The following ALPK1 variants were observed in gnomAD, a reference collection of about 807,000 sequenced individuals.
ALPK1 encodes the protein alpha-protein kinase 1.
In ALPK1, 110 loss-of-function variants were observed where a neutral mutation model predicts 120.6. The observed-to-expected ratio is 0.91, with a 90% CI of 0.78 to 1.07. The LOEUF is 1.07. Ranked by LOEUF, ALPK1 falls within the 50% of genes least tolerant of loss-of-function variation. The pLI is 0.00. For synonymous variants in ALPK1, 582 were observed against 560.3 expected, an observed-to-expected ratio of 1.04 and a Z score of -0.55; for missense variants, 1,498 against 1,483.9, an observed-to-expected ratio of 1.01 and a Z score of -0.16.
Position 112,396,770 on chromosome 4 carries a change from T to C in ALPK1, c.276+14218T>C, listed in dbSNP as rs537416046. On this transcript the variant is annotated intron_variant, in intron 4 of 15. Coordinates refer to ENST00000650871, the MANE Select transcript of ALPK1 (RefSeq NM_025144.4). ...CTTTTCAGTAATCTATGTAGAGCTG[T>C]TTTTTTTTCTTTTTTTATGTTTTTG... Among the ~76,000 whole-genome samples the C allele has an allele frequency of 3.3e-5, 5 of 150,418 alleles. No individual in the cohort carries two copies. In the East Asian group the frequency reaches 9.7e-4, roughly 29 times the overall value.
chr4:112,382,289 CTTTTTTTTTTT>C (rs34345428), intron 3 of ALPK1, 98 bp from the exon 4 acceptor site: 6 of 671,428 alleles, frequency 8.9e-6, no homozygotes, highest in African/African-American at 2.2e-5. Flanking sequence ...AGGTTTTTCT[CTTTTTTTTTTT>C]TTTTTTTTTT....
chr4:112,311,237 A>G lies in ALPK1; in HGVS notation c.-152-4564A>G, dbSNP rs112620054. Among the ~76,000 whole-genome samples, 1,340 of 152,308 alleles carry G rather than the reference A, an allele frequency of 8.8e-3. 14 individuals carry two copies. Among genetic ancestry groups the G allele is most frequent in the African/African-American group, 0.03 (1,249 of 41,568 alleles). On this transcript the variant is annotated intron_variant, in intron 1 of 15. Transcript: ENST00000650871. The stretch of plus-strand genomic sequence containing the variant: ...AAGCAGCCCCCTTCCCCCACCCTAA[A>G]TGACACTCTCATCTGTTCACCAGTG...
chr4:112,382,663 T>TA (rs1731979541), intron 4 of ALPK1, 111 bp downstream of exon 4: 1 of 1,438,452 alleles, frequency 7.0e-7, no homozygotes, highest in Non-Finnish European at 9.7e-7. Context: ...CCCCTACCCT[T>TA]ATGCTCAGCT....
rs1160018260 is a variant in ALPK1 at position 112,440,970 on chromosome 4, C to T, written c.3592C>T (p.His1198Tyr). ...CATCTACCTCACAGATCCCCAGATT[C>T]ACTCCGTTGATCAGAAAGTTTTCAC... The part of the protein sequence containing the change: ...GLIYLTDPQI[H>Y]SVDQKVFTTN... Residue 1198 changes from histidine (H) to tyrosine (Y), a missense_variant, in exon 15 of 16, where the codon CAC becomes TAC. By Grantham distance (83) the His-to-Tyr change is moderately conservative. Coordinates refer to ENST00000650871, the MANE Select transcript of ALPK1 (RefSeq NM_025144.4). The T allele has an allele frequency of 3.7e-6, 6 of 1,613,752 alleles. No individual in the cohort carries two copies. The highest frequency in any genetic ancestry group is 5.1e-6 in the Non-Finnish European group (6 of 1,179,876).
intron 2 of ALPK1, among the ~76,000 whole-genome samples, chr4:112,328,922 C>T (rs1175461861): frequency 6.6e-6 from 1 of 152,168 alleles, no homozygotes; most frequent in Non-Finnish European, 1.5e-5. Flanking sequence ...CAGAGAGCCT[C>T]GCAGCTTGTG....
At chr4:112,359,312 C>A (rs1730801034) in intron 2 of ALPK1, 1 of 434,896 alleles carries the variant, frequency 2.3e-6, no homozygotes. Context: ...AGTCTACAGG[C>A]TGTAGCCAGC....
Position 112,435,427 on chromosome 4 carries a change from C to T in ALPK1, c.3188+126C>T, listed in dbSNP as rs755550158. The T allele has an allele frequency of 9.7e-6, 8 of 824,676 alleles. No homozygotes were observed. In the East Asian group the frequency reaches 1.8e-4, roughly 18 times the overall value. 51.1% of individuals were successfully genotyped at this position (824,676 alleles called of 1,614,324 possible). On this transcript the variant is annotated intron_variant, in intron 12 of 15. Coordinates refer to ENST00000650871, the MANE Select transcript of ALPK1 (RefSeq NM_025144.4). Reference sequence around the variant, plus strand: ...GCCAAAATATATTTCCAGATTTCTACTCCTTTTTCTTTTCATTATTAATTA... The same window carrying T: ...GCCAAAATATATTTCCAGATTTCTATTCCTTTTTCTTTTCATTATTAATTA...
At chr4:112,373,854 T>C (rs967642069) in intron 2 of ALPK1, among the ~76,000 whole-genome samples, 3 of 152,220 alleles carry the variant, frequency 2.0e-5, no homozygotes, top group African/African-American at 7.2e-5. Context: ...TCTAAAAAAG[T>C]ACCCACCTTA....
At position 112,435,167 on chromosome 4, in the gene ALPK1, T is replaced by C; in HGVS notation, c.3054T>C (p.Tyr1018=). ...HRAHSALLLK[Y]SKKSELWTAQ... ...TCCCAGGTGCTCTTTTGTTAAAATA[T>C]TCAAAAAAATCTGAACTGTGGACGG... The change falls in exon 12 of 16, where the codon TAT becomes TAC. Residue 1018 remains tyrosine, a synonymous_variant. Coordinates refer to ENST00000650871, the MANE Select transcript of ALPK1 (RefSeq NM_025144.4). 1.9e-6 allele frequency: 3 copies of C among 1,602,634 alleles called. No homozygotes were observed. The South Asian group carries it at 3.4e-5, about 18-fold the overall frequency.
chr4:112,305,731 AC>A (rs1479534578), intron 1 of ALPK1, among the ~76,000 whole-genome samples: 1 of 151,976 alleles, frequency 6.6e-6, no homozygotes, highest in African/African-American at 2.4e-5. Flanking sequence ...CTAATTGAAT[AC>A]CCTTTATGTC....
chr4:112,429,254 G>C lies in ALPK1; in HGVS notation c.900+1G>C, dbSNP rs1251243862. 3 of 1,609,586 alleles carry C rather than the reference G, an allele frequency of 1.9e-6. 1 individual carries two copies. In the South Asian group the frequency reaches 3.3e-5, roughly 18 times the overall value. On this transcript the variant is annotated splice_donor_variant, in intron 10 of 15. Transcript: ENST00000650871. LOFTEE classifies it high-confidence loss of function. Reference sequence around the variant, plus strand: ...GCCGCTCTTCGTGCTCACAGCTGTGGTAAACGAATGCAGCCGCTCCTCAAA... The same window carrying C: ...GCCGCTCTTCGTGCTCACAGCTGTGCTAAACGAATGCAGCCGCTCCTCAAA...
chr4:112,419,291 CT>C lies in ALPK1; in HGVS notation c.476-4646del, dbSNP rs567203879. Reference sequence around the variant, plus strand: ...TTTTATTCTCTGTTTCTCTGTTTTTCTTTTTTTGGACAAATATATGTGGAAA... The same window carrying C: ...TTTTATTCTCTGTTTCTCTGTTTTTCTTTTTTGGACAAATATATGTGGAAA... On this transcript the variant is annotated intron_variant, in intron 5 of 15. Coordinates refer to ENST00000650871, the MANE Select transcript of ALPK1 (RefSeq NM_025144.4). 1.1e-4 allele frequency among the ~76,000 whole-genome samples: 17 copies of C among 152,072 alleles called. No individual in the cohort carries two copies. In the South Asian group the frequency reaches 1.7e-3, roughly 15 times the overall value.
At chr4:112,321,773 A>G (rs1408577195) in intron 2 of ALPK1, among the ~76,000 whole-genome samples, 1 of 152,356 alleles carries the variant, frequency 6.6e-6, no homozygotes, top group South Asian at 2.1e-4. Context: ...TGAAATTCAA[A>G]TACGAGTATT....
In ALPK1 at chr4:112,425,652, T is replaced by C; in HGVS notation, c.536-13T>C. ...CTCTGATAATTCAAGGGAATTTTCA[T>C]CTTTTCTTTTAGGTACCTGGCTGTA... On this transcript the variant is annotated splice_polypyrimidine_tract_variant and intron_variant, in intron 6 of 15. Coordinates refer to ENST00000650871, the MANE Select transcript of ALPK1 (RefSeq NM_025144.4). 1.2e-6 allele frequency: 2 copies of C among 1,609,966 alleles called. No homozygotes were observed. Among genetic ancestry groups the C allele is most frequent in the Non-Finnish European group, 8.5e-7 (1 of 1,176,802 alleles).
Position 112,431,705 on chromosome 4 carries a change from G to A in ALPK1, c.2158G>A (p.Ala720Thr), listed in dbSNP as rs1734562773. ...SAHSRPSYRSASWSSDSGRPK... is the reference protein window; with the variant it reads ...SAHSRPSYRSTSWSSDSGRPK... ...TCACTCCAGACCCTCATATCGTTCT[G>A]CTTCTTGGTCTTCTGATTCTGGTAG... Residue 720 changes from alanine to threonine, a missense_variant, in exon 11 of 16, where the codon GCT (alanine) becomes ACT (threonine). Physicochemically the swap from Ala to Thr is moderately conservative, Grantham distance 58. Transcript: ENST00000650871. The A allele has an allele frequency of 3.7e-6, 6 of 1,614,204 alleles. No individual in the cohort carries two copies. Among genetic ancestry groups the A allele is most frequent in the Non-Finnish European group, 5.1e-6 (6 of 1,180,044 alleles).
At chr4:112,412,088 A>T in intron 5 of ALPK1, 63 bp downstream of exon 5, 3 of 1,593,706 alleles carry the variant, frequency 1.9e-6, no homozygotes, top group Non-Finnish European at 2.6e-6. Flanking sequence ...TTCCCTCCCG[A>T]GCTACTTGAC....
chr4:112,403,563 G>T (rs962416264), intron 4 of ALPK1, among the ~76,000 whole-genome samples: 2 of 152,204 alleles, frequency 1.3e-5, no homozygotes, highest in Non-Finnish European at 2.9e-5. Context: ...AGGTCCTCCA[G>T]AATAGGATGC....
chr4:112,411,299 C>A lies in ALPK1; in HGVS notation c.277-528C>A, dbSNP rs531304935. On this transcript the variant is annotated intron_variant, in intron 4 of 15. Coordinates refer to ENST00000650871, the MANE Select transcript of ALPK1 (RefSeq NM_025144.4). ...GAGTACAGTGGCTGGATCTCGGCTC[C>A]CTGCAACCTCCGCCTCCTGGGTTCA... 1.2e-4 allele frequency among the ~76,000 whole-genome samples: 18 copies of A among 152,222 alleles called. No homozygotes were observed. The South Asian group carries it at 1.7e-3, about 14-fold the overall frequency.
chr4:112,434,275 A>G (rs1350460617), intron 11 of ALPK1, among the ~76,000 whole-genome samples: 1 of 151,906 alleles, frequency 6.6e-6, no homozygotes, highest in Non-Finnish European at 1.5e-5. Context: ...TGGACAGACA[A>G]CTCACCTTCC....
Sources: gnomAD v4.1 joint callset for allele counts (sites outside exome capture counted in the v4.1 genomes callset) on GRCh38, gnomAD v4.1.1 for gene constraint, MANE v1.5 for transcripts, NCBI Gene and HGNC (gene_info 2026-07-23, HGNC 2026-07-21) for gene names.